Variants in PEAK1 observed in about 807,000 individuals in gnomAD.
PEAK1 encodes the protein inactive tyrosine-protein kinase PEAK1.
A neutral mutation model predicts 124.7 loss-of-function variants in PEAK1; 54 were observed. The observed-to-expected ratio is 0.43, with a 90% CI of 0.35 to 0.54. The LOEUF (loss-of-function observed/expected upper bound fraction) is 0.54, where lower values mean the gene tolerates loss of function less well. Ranked by LOEUF, PEAK1 falls within the 20% of genes least tolerant of loss-of-function variation. The pLI is 0.01. For missense variants in PEAK1, 2,046 were observed against 2,134.5 expected, an observed-to-expected ratio of 0.96 and a Z score of 0.82; for synonymous variants, 719 against 760.0, an observed-to-expected ratio of 0.95 and a Z score of 0.89.
At chr15:77,317,617 G>A (rs1289195176) in intron 2 of PEAK1, among the ~76,000 whole-genome samples, 4 of 152,118 alleles carry the variant, frequency 2.6e-5, no homozygotes, top group African/African-American at 9.7e-5. Flanking sequence ...AAAACAGACA[G>A]AAGAATGGGG....
chr15:77,304,226 G>A (rs574665617), intron 2 of PEAK1, among the ~76,000 whole-genome samples: 1 of 152,184 alleles, frequency 6.6e-6, no homozygotes, highest in East Asian at 1.9e-4. Flanking sequence ...TAGCTTGCTG[G>A]GATTTTGATT....
At chr15:77,324,697 T>C (rs935982130) in intron 2 of PEAK1, among the ~76,000 whole-genome samples, 3 of 152,108 alleles carry the variant, frequency 2.0e-5, no homozygotes, top group African/African-American at 7.2e-5. Context: ...GCATCACACA[T>C]GGCAAAAGCA....
intron 1 of PEAK1, among the ~76,000 whole-genome samples, chr15:77,383,236 G>T (rs2069636277): frequency 6.6e-6 from 1 of 151,912 alleles, no homozygotes; most frequent in African/African-American, 2.4e-5. Context: ...ATATTGGTTA[G>T]GCTGGTCTCA....
At chr15:77,403,309 G>C in intron 1 of PEAK1, 1 of 961,882 alleles carries the variant, frequency 1.0e-6, no homozygotes, top group Non-Finnish European at 1.2e-6. Flanking sequence ...ACATTTAAGT[G>C]CTAAACATGT....
At chr15:77,166,829 T>C (rs958142056) in intron 7 of PEAK1, among the ~76,000 whole-genome samples, 14 of 152,044 alleles carry the variant, frequency 9.2e-5, no homozygotes, top group Non-Finnish European at 1.9e-4. Flanking sequence ...AAGATGACAC[T>C]AATGTGACAA....
chr15:77,203,038 G>GA lies in PEAK1; in HGVS notation c.-114-20999dup, dbSNP rs528246915. On this transcript the variant is annotated intron_variant, in intron 6 of 9. Coordinates refer to ENST00000682557, the MANE Select transcript of PEAK1 (RefSeq NM_001385026.1). ...GGCGACAGAGCCAGACCCTGTCTCA[G>GA]AAAAAAAAAAAAAAAAGAAAAACAT... Among the ~76,000 whole-genome samples, 313 of 80,378 alleles carry GA rather than the reference G, an allele frequency of 3.9e-3. 1 individual carries two copies. The highest frequency in any genetic ancestry group is 0.016 in the Middle Eastern group (2 of 124). 52.7% of individuals were successfully genotyped at this position (80,378 alleles called of 152,430 possible). A position where few individuals can be genotyped will look rare whatever the true frequency, so the allele number is the denominator to read the frequency against.
At chr15:77,231,778 T>A (rs1596751631) in intron 6 of PEAK1, among the ~76,000 whole-genome samples, 1 of 152,166 alleles carries the variant, frequency 6.6e-6, no homozygotes, top group East Asian at 1.9e-4. Context: ...AATAATATAT[T>A]TTAAAAGCTA....
intron 5 of PEAK1, among the ~76,000 whole-genome samples, chr15:77,274,296 G>T (rs946506748): frequency 6.6e-6 from 1 of 151,944 alleles, no homozygotes; most frequent in African/African-American, 2.4e-5. Flanking sequence ...AAACGAAAAA[G>T]CTTCTGCACA....
intron 7 of PEAK1, among the ~76,000 whole-genome samples, chr15:77,159,649 AGAAG>A (rs2055457222): frequency 1.3e-5 from 2 of 152,238 alleles, no homozygotes; most frequent in Admixed American, 1.3e-4. Flanking sequence ...AAAAAAAGAA[AGAAG>A]GAAGGAAAGG....
At chr15:77,345,769 A>C (rs2066837400) in intron 2 of PEAK1, 1 of 368,492 alleles carries the variant, frequency 2.7e-6, no homozygotes, top group Non-Finnish European at 3.8e-6. Flanking sequence ...ACAAAAAGAT[A>C]AATGTTTGAG....
exon 7 of PEAK1, chr15:77,100,812 A>C (rs1424822917): frequency 6.6e-6 from 1 of 152,264 alleles, no homozygotes; most frequent in Non-Finnish European, 1.5e-5. Flanking sequence ...TTACAATCAG[A>C]AAACAATCTA....
In PEAK1 at chr15:77,298,015, G is replaced by A. The variant is rs1430664581; in HGVS notation, c.-602-11511C>T. Among the ~76,000 whole-genome samples, 24 of 123,506 alleles carry A rather than the reference G, an allele frequency of 1.9e-4. 2 individuals are homozygous for A. The highest frequency in any genetic ancestry group is 7.1e-4 in the African/African-American group (22 of 31,194). 81.0% of individuals were successfully genotyped at this position (123,506 alleles called of 152,430 possible). A position where few individuals can be genotyped will look rare whatever the true frequency, so the allele number is the denominator to read the frequency against. ...GGAGCTTGCAGTGAGCCGAGATTGC[G>A]CCACTGCAGTCTGCAGTCCGGCCTG... is the stretch of plus-strand genomic sequence containing the variant. On this transcript the variant is annotated intron_variant, in intron 2 of 9. Transcript: ENST00000682557.
At chr15:77,221,229 A>G (rs539181341) in intron 6 of PEAK1, among the ~76,000 whole-genome samples, 2 of 152,224 alleles carry the variant, frequency 1.3e-5, no homozygotes, top group Admixed American at 6.6e-5. Flanking sequence ...TTTAACATCT[A>G]TCACGTGGTC....
In PEAK1 at chr15:77,167,105, C is replaced by A. The variant is rs559482420; in HGVS notation, c.3138-8409G>T. 2.6e-5 allele frequency among the ~76,000 whole-genome samples: 4 copies of A among 152,152 alleles called. No individual in the cohort carries two copies. The South Asian group carries it at 8.3e-4, about 32-fold the overall frequency. ...CACTGCCTTCCTCCTCCAGAAAGAA[C>A]ACAAGAATAAGTATACAAGCAGCAA... On this transcript the variant is annotated intron_variant, in intron 7 of 9. Coordinates refer to ENST00000682557, the MANE Select transcript of PEAK1 (RefSeq NM_001385026.1).
intron 2 of PEAK1, among the ~76,000 whole-genome samples, chr15:77,340,314 G>T (rs2066450564): frequency 6.6e-6 from 1 of 152,208 alleles, no homozygotes; most frequent in African/African-American, 2.4e-5. Flanking sequence ...TCAAACCATA[G>T]AACATACAGG....
chr15:77,234,847 G>C (rs1183522200), intron 6 of PEAK1, among the ~76,000 whole-genome samples: 1 of 151,898 alleles, frequency 6.6e-6, no homozygotes, highest in Admixed American at 6.6e-5. Flanking sequence ...GTCTTGCTCT[G>C]TTGCCCAGGC....
intron 2 of PEAK1, chr15:77,345,772 T>C (rs2066837791): frequency 5.3e-6 from 2 of 375,966 alleles, no homozygotes; most frequent in Non-Finnish European, 7.3e-6. Flanking sequence ...AAAAGATAAA[T>C]GTTTGAGGTG....
chr15:77,148,670 G>A (rs1276845984), intron 8 of PEAK1, among the ~76,000 whole-genome samples: 1 of 151,972 alleles, frequency 6.6e-6, no homozygotes, highest in Non-Finnish European at 1.5e-5. Context: ...TAATCCCAGT[G>A]CTTTGGGAGG....
intron 8 of PEAK1, among the ~76,000 whole-genome samples, chr15:77,146,993 T>TA (rs1477121772): frequency 1.3e-5 from 2 of 152,196 alleles, no homozygotes; most frequent in Non-Finnish European, 2.9e-5. Context: ...ACAGAAGACT[T>TA]ATGTGTTTTC....
Sources: gnomAD v4.1 joint callset for allele counts (sites outside exome capture counted in the v4.1 genomes callset) on GRCh38, gnomAD v4.1.1 for gene constraint, MANE v1.5 for transcripts, NCBI Gene and HGNC (gene_info 2026-07-23, HGNC 2026-07-21) for gene names.